Variants in MAGI2 observed in about 807,000 individuals in gnomAD.
MAGI2 encodes membrane-associated guanylate kinase, WW and PDZ domain-containing protein 2.
MAGI2 carries 35 observed loss-of-function variants against 133.3 expected under a neutral mutation model. The observed-to-expected ratio is 0.26, with a 90% CI of 0.20 to 0.35. The LOEUF (loss-of-function observed/expected upper bound fraction) is 0.35. Ranked by LOEUF, MAGI2 falls within the 10% of genes least tolerant of loss-of-function variation. The pLI is 1.00. For missense variants in MAGI2, 1,636 were observed against 1,863.4 expected, an observed-to-expected ratio of 0.88 and a Z score of 2.25; for synonymous variants, 729 against 710.6, an observed-to-expected ratio of 1.03 and a Z score of -0.41.
At chr7:79,346,237 A>G (rs1841305019) in intron 1 of MAGI2, among the ~76,000 whole-genome samples, 1 of 152,044 alleles carries the variant, frequency 6.6e-6, no homozygotes, top group Non-Finnish European at 1.5e-5. Flanking sequence ...CTTAATTAAG[A>G]AATCACTTAT....
intron 6 of MAGI2, among the ~76,000 whole-genome samples, chr7:78,456,761 C>T (rs1212795395): frequency 1.3e-5 from 2 of 152,032 alleles, no homozygotes; most frequent in African/African-American, 4.8e-5. Flanking sequence ...TATATTCAAC[C>T]TAGGTTTCAA....
At chr7:78,044,004 C>T (rs1811132217) in intron 21 of MAGI2, among the ~76,000 whole-genome samples, 2 of 152,166 alleles carry the variant, frequency 1.3e-5, no homozygotes, top group African/African-American at 4.8e-5. Context: ...TCTCTTTACT[C>T]CTCTATTTTC....
chr7:78,879,114 T>A (rs1427072838), intron 2 of MAGI2, among the ~76,000 whole-genome samples: 1 of 152,014 alleles, frequency 6.6e-6, no homozygotes, highest in Non-Finnish European at 1.5e-5. Flanking sequence ...CTTCCCTATC[T>A]CCATGCATAG....
At chr7:78,991,605 T>A (rs75856855) in intron 2 of MAGI2, among the ~76,000 whole-genome samples, 7,625 of 150,992 alleles carry the variant, frequency 0.05, 434 homozygotes, top group East Asian at 0.18. Context: ...TTTTTTTTTT[T>A]AAATAATGAG....
At chr7:78,730,380 A>T (rs974300617) in intron 2 of MAGI2, among the ~76,000 whole-genome samples, 37 of 148,986 alleles carry the variant, frequency 2.5e-4, no homozygotes, top group Middle Eastern at 3.2e-3. Flanking sequence ...ATGGGCCCTA[A>T]GTACCTTTCT....
At position 78,265,437 on chromosome 7, in the gene MAGI2, T is replaced by C. The variant is rs146533652; in HGVS notation, c.1409-8856A>G. Among the ~76,000 whole-genome samples the C allele has an allele frequency of 9.2e-5, 14 of 152,320 alleles. 1 individual carries two copies. In the East Asian group the frequency reaches 2.5e-3, roughly 27 times the overall value. ...GAATTCAATAGCATAAAATGGTCAA[T>C]GAATCTGTCATTTCTCTAAAGAATG... is the stretch of plus-strand genomic sequence containing the variant. On this transcript the variant is annotated intron_variant, in intron 9 of 21. Coordinates refer to ENST00000354212, the MANE Select transcript of MAGI2 (RefSeq NM_012301.4).
At chr7:78,892,232 A>T (rs2151572263) in intron 2 of MAGI2, among the ~76,000 whole-genome samples, 1 of 152,316 alleles carries the variant, frequency 6.6e-6, no homozygotes, top group South Asian at 2.1e-4. Context: ...ATAAAAGAGG[A>T]TACAAACATA....
chr7:79,017,397 C>T (rs897973601), intron 1 of MAGI2, among the ~76,000 whole-genome samples: 1 of 152,190 alleles, frequency 6.6e-6, no homozygotes, highest in African/African-American at 2.4e-5. Flanking sequence ...TAATCAACCC[C>T]CCAAGGACAT....
At chr7:78,077,570 C>T (rs1267249638) in intron 21 of MAGI2, among the ~76,000 whole-genome samples, 1 of 95,252 alleles carries the variant, frequency 1.0e-5, no homozygotes, top group Non-Finnish European at 2.3e-5. Context: ...TTGAGGGGTG[C>T]ACAAGATGCT....
intron 16 of MAGI2, among the ~76,000 whole-genome samples, chr7:78,135,413 G>A (rs1822007943): frequency 1.3e-5 from 2 of 152,172 alleles, no homozygotes; most frequent in African/African-American, 4.8e-5. Context: ...TGCAGTGATA[G>A]GCCAATTCCA....
chr7:79,222,877 T>TTTTG (rs976246516), intron 1 of MAGI2, among the ~76,000 whole-genome samples: 26 of 152,024 alleles, frequency 1.7e-4, no homozygotes, highest in African/African-American at 2.7e-4. Flanking sequence ...CTTTTTGTTT[T>TTTTG]TTTGTTTGTT....
intron 3 of MAGI2, among the ~76,000 whole-genome samples, chr7:78,557,468 C>T (rs199555555): frequency 6.6e-6 from 1 of 152,098 alleles, no homozygotes; most frequent in East Asian, 1.9e-4. Context: ...TGGCTATTCC[C>T]TTCCCCATCT....
At chr7:79,059,169 T>C (rs981242481) in intron 1 of MAGI2, among the ~76,000 whole-genome samples, 3 of 152,066 alleles carry the variant, frequency 2.0e-5, no homozygotes, top group Admixed American at 6.6e-5. Flanking sequence ...AGAAAAGGAT[T>C]CTCAAGTTAC....
intron 2 of MAGI2, among the ~76,000 whole-genome samples, chr7:78,777,553 CCAT>C (rs969305642): frequency 9.2e-5 from 14 of 152,254 alleles, no homozygotes; most frequent in Non-Finnish European, 1.8e-4. Context: ...ATCACTATCA[CCAT>C]CATCATCTTT....
chr7:79,193,019 A>G (rs2129551305), intron 1 of MAGI2, among the ~76,000 whole-genome samples: 1 of 151,832 alleles, frequency 6.6e-6, no homozygotes, highest in Admixed American at 6.6e-5. Context: ...TATGTTTGGG[A>G]TGTAAAATCT....
intron 2 of MAGI2, among the ~76,000 whole-genome samples, chr7:78,784,409 T>A (rs1826641137): frequency 6.6e-6 from 1 of 152,126 alleles, no homozygotes; most frequent in Admixed American, 6.5e-5. Flanking sequence ...AGAATTTCTC[T>A]TCCTCCAAGC....
chr7:78,399,804 C>CAA (rs3061269), intron 6 of MAGI2, among the ~76,000 whole-genome samples: 13,483 of 69,332 alleles, frequency 0.19, 1,508 homozygotes, highest in Non-Finnish European at 0.24. Flanking sequence ...GACTTTGTAT[C>CAA]AAAAAAAAAA....
chr7:78,173,202 T>G (rs565920556), intron 14 of MAGI2, among the ~76,000 whole-genome samples: 4 of 152,326 alleles, frequency 2.6e-5, no homozygotes, highest in South Asian at 2.1e-4. Context: ...TGGGAACTTG[T>G]GTACAAACCA....
intron 2 of MAGI2, among the ~76,000 whole-genome samples, chr7:78,635,311 T>A (rs1809509426): frequency 6.6e-6 from 1 of 152,210 alleles, no homozygotes; most frequent in Non-Finnish European, 1.5e-5. Flanking sequence ...GAAAAGGGCA[T>A]TTGTGGTAAA....
Sources: gnomAD v4.1 joint callset for allele counts (sites outside exome capture counted in the v4.1 genomes callset) on GRCh38, gnomAD v4.1.1 for gene constraint, MANE v1.5 for transcripts, NCBI Gene and HGNC (gene_info 2026-07-23, HGNC 2026-07-21) for gene names.